The following DESI2 variants were observed in gnomAD, a reference collection of about 807,000 sequenced individuals.
DESI2 encodes the protein desumoylating isopeptidase 2, also known as deubiquitinase DESI2.
Under a neutral mutation model 24.1 loss-of-function variants are expected in DESI2, and 10 were observed. The ratio of observed to expected loss-of-function variants is 0.41; its 90% CI spans 0.26 to 0.70. DESI2 has a LOEUF of 0.70. DESI2 is among the 30% of genes least tolerant of loss of function. The probability of loss-of-function intolerance (pLI) is 0.29; values close to 1 mark genes in which losing one functional copy is unlikely to be tolerated. For missense variants in DESI2, 122 were observed against 234.9 expected, an observed-to-expected ratio of 0.52 and a Z score of 3.14; for synonymous variants, 71 against 87.7, an observed-to-expected ratio of 0.81 and a Z score of 1.06.
At chr1:244,699,045 G>A (rs886376912) in intron 4 of DESI2, among the ~76,000 whole-genome samples, 1 of 152,148 alleles carries the variant, frequency 6.6e-6, no homozygotes, top group African/African-American at 2.4e-5. Context: ...GTTTGCAACA[G>A]TGGACTTACC....
At chr1:244,704,403 G>A (rs907544883) in intron 4 of DESI2, among the ~76,000 whole-genome samples, 2 of 152,144 alleles carry the variant, frequency 1.3e-5, no homozygotes, top group Non-Finnish European at 2.9e-5. Flanking sequence ...ATAAAGTTAG[G>A]GGCACAGAAT....
In DESI2 at chr1:244,671,525, AGTTGTC is replaced by A. The variant is rs575070508; in HGVS notation, c.43-15071_43-15066del. On this transcript the variant is annotated intron_variant, in intron 1 of 4. Coordinates refer to ENST00000302550, the MANE Select transcript of DESI2 (RefSeq NM_016076.5). Reference sequence around the variant, plus strand: ...ACTTGAACCAAGCTCTAGAAATAAAAGTTGTCTTCCCCCAGCTCAAATAAAAAGCCA... The same window carrying A: ...ACTTGAACCAAGCTCTAGAAATAAAATTCCCCCAGCTCAAATAAAAAGCCA... Among the ~76,000 whole-genome samples, 394 of 152,292 alleles carry A rather than the reference AGTTGTC, an allele frequency of 2.6e-3. 3 individuals carry two copies. Among genetic ancestry groups the A allele is most frequent in the East Asian group, 0.019 (101 of 5,184 alleles).
At chr1:244,683,559 C>T (rs1412025289) in intron 1 of DESI2, among the ~76,000 whole-genome samples, 1 of 152,172 alleles carries the variant, frequency 6.6e-6, no homozygotes, top group Admixed American at 6.5e-5. Context: ...GATCCGCCCA[C>T]CTCAGCCTCC....
intron 4 of DESI2, among the ~76,000 whole-genome samples, chr1:244,697,074 G>C (rs1677244409): frequency 6.6e-6 from 1 of 152,160 alleles, no homozygotes; most frequent in Non-Finnish European, 1.5e-5. Context: ...TTTGCCCCAA[G>C]TATATTTTCC....
chr1:244,653,505 T>C, intron 1 of DESI2, 150 bp downstream of exon 1: 2 of 724,702 alleles, frequency 2.8e-6, no homozygotes, highest in Non-Finnish European at 4.3e-6. Flanking sequence ...GGAGGGAGTA[T>C]TGTTATTTTT....
intron 1 of DESI2, among the ~76,000 whole-genome samples, chr1:244,681,370 A>T (rs994398348): frequency 1.3e-5 from 2 of 151,930 alleles, no homozygotes; most frequent in Non-Finnish European, 2.9e-5. Flanking sequence ...TACTACCCTG[A>T]CAACTCTGGT....
chr1:244,660,931 T>C (rs1259623934), intron 1 of DESI2, among the ~76,000 whole-genome samples: 1 of 152,246 alleles, frequency 6.6e-6, no homozygotes, highest in Non-Finnish European at 1.5e-5. Context: ...CCCTTTACTA[T>C]TATTCCAAAG....
intron 1 of DESI2, among the ~76,000 whole-genome samples, chr1:244,657,026 G>C (rs1399473045): frequency 6.6e-6 from 1 of 152,206 alleles, no homozygotes; most frequent in African/African-American, 2.4e-5. Context: ...GCCCGCCTCA[G>C]CGTCCCAAAG....
At chr1:244,663,942 T>C (rs945611991) in intron 1 of DESI2, among the ~76,000 whole-genome samples, 5 of 138,480 alleles carry the variant, frequency 3.6e-5, no homozygotes, top group East Asian at 2.2e-4. Context: ...GGCGTGAACC[T>C]GGGAGGCGGA....
chr1:244,680,100 C>T (rs891463043), intron 1 of DESI2, among the ~76,000 whole-genome samples: 3 of 150,504 alleles, frequency 2.0e-5, no homozygotes, highest in African/African-American at 7.3e-5. Flanking sequence ...AAGAGTAGCC[C>T]ACCCTTCCTC....
chr1:244,681,314 G>A (rs532141665), intron 1 of DESI2, among the ~76,000 whole-genome samples: 2 of 151,940 alleles, frequency 1.3e-5, no homozygotes, highest in African/African-American at 4.8e-5. Context: ...CCAGTACCAC[G>A]GGCTTCTTCC....
At chr1:244,653,483 G>T in intron 1 of DESI2, 128 bp downstream of exon 1, 1 of 950,390 alleles carries the variant, frequency 1.1e-6, no homozygotes, top group Admixed American at 3.2e-5. Flanking sequence ...CTCGGGGGAA[G>T]CCGGGGGTGA....
At chr1:244,695,831 AGT>A (rs1312593503) in intron 4 of DESI2, among the ~76,000 whole-genome samples, 2 of 152,190 alleles carry the variant, frequency 1.3e-5, no homozygotes, top group African/African-American at 2.4e-5. Flanking sequence ...GCTGGGGTGC[AGT>A]AATGTGATCA....
At chr1:244,667,244 G>C (rs1676078342) in intron 1 of DESI2, among the ~76,000 whole-genome samples, 1 of 152,126 alleles carries the variant, frequency 6.6e-6, no homozygotes, top group Non-Finnish European at 1.5e-5. Flanking sequence ...CTTCCTATGA[G>C]CCTGTAAAAT....
chr1:244,672,094 G>T (rs1676266260), intron 1 of DESI2, among the ~76,000 whole-genome samples: 1 of 152,116 alleles, frequency 6.6e-6, no homozygotes. Flanking sequence ...AACACTTTGG[G>T]AGTCTGAGGT....
intron 1 of DESI2, among the ~76,000 whole-genome samples, chr1:244,659,608 A>G (rs1405345435): frequency 2.0e-5 from 3 of 152,172 alleles, no homozygotes; most frequent in Admixed American, 2.0e-4. Flanking sequence ...CTCTGACTTC[A>G]CTTTCCTCCA....
chr1:244,653,597 C>A, intron 1 of DESI2: 1 of 528,518 alleles, frequency 1.9e-6, no homozygotes, highest in Admixed American at 4.0e-5. Context: ...TTGAACCTCT[C>A]CCATCCGCTC....
At chr1:244,654,166 A>C in intron 1 of DESI2, 1 of 379,550 alleles carries the variant, frequency 2.6e-6, no homozygotes, top group South Asian at 2.0e-5. Context: ...ATGCCCCCAG[A>C]AAAAAGCACC....
intron 1 of DESI2, among the ~76,000 whole-genome samples, chr1:244,655,095 G>A (rs1054955562): frequency 2.6e-5 from 4 of 152,200 alleles, no homozygotes; most frequent in Non-Finnish European, 1.5e-5. Context: ...AATTGTGGTC[G>A]ATTGGGAAAA....
Sources: allele counts gnomAD v4.1 joint callset (sites outside exome capture counted in the v4.1 genomes callset), GRCh38; gene constraint gnomAD v4.1.1; transcripts MANE v1.5; gene names NCBI Gene and HGNC (gene_info 2026-07-23, HGNC 2026-07-21).